Variants in AP1G1 observed in about 807,000 individuals in gnomAD.
AP1G1 encodes AP-1 complex subunit gamma-1.
AP1G1 carries 7 observed loss-of-function variants against 108.3 expected under a neutral mutation model. That is an observed-to-expected ratio of 0.06 (90% confidence interval 0.04 to 0.12). The LOEUF is 0.12. Ranked by LOEUF, AP1G1 falls within the 10% of genes least tolerant of loss-of-function variation. The pLI is 1.00. For missense variants in AP1G1, 756 were observed against 1,010.7 expected, an observed-to-expected ratio of 0.75 and a Z score of 3.42; for synonymous variants, 379 against 353.5, an observed-to-expected ratio of 1.07 and a Z score of -0.81.
chr16:71,801,348 G>A (rs776321184), intron 1 of AP1G1, among the ~76,000 whole-genome samples: 53 of 140,522 alleles, frequency 3.8e-4, no homozygotes, highest in Non-Finnish European at 5.8e-4. Flanking sequence ...AAAAAAAAAA[G>A]CGTGTCATAG....
chr16:71,755,377 C>T (rs2030726804), intron 12 of AP1G1, among the ~76,000 whole-genome samples: 1 of 151,990 alleles, frequency 6.6e-6, no homozygotes, highest in Admixed American at 6.5e-5. Context: ...GTCAAGGTTG[C>T]ACTGAGCCGA....
At chr16:71,785,403 C>T (rs1373052688) in intron 2 of AP1G1, among the ~76,000 whole-genome samples, 2 of 151,662 alleles carry the variant, frequency 1.3e-5, no homozygotes, top group African/African-American at 4.8e-5. Flanking sequence ...TGGTGAAACC[C>T]TGTCTCTACC....
chr16:71,752,133 T>C (rs2030539989), intron 13 of AP1G1, among the ~76,000 whole-genome samples: 1 of 151,752 alleles, frequency 6.6e-6, no homozygotes, highest in Non-Finnish European at 1.5e-5. Flanking sequence ...AGAAAACAAA[T>C]CACATGATCA....
chr16:71,745,080 A>C, intron 19 of AP1G1, 64 bp downstream of exon 19: 1 of 1,577,794 alleles, frequency 6.3e-7, no homozygotes. Flanking sequence ...GTCTGGGTTC[A>C]GTTTAGTTTT....
rs184417010 is a variant in AP1G1 at position 71,791,400 on chromosome 16, T to C, written c.-3-1918A>G. Among the ~76,000 whole-genome samples the C allele has an allele frequency of 4.8e-4, 73 of 152,262 alleles. No individual in the cohort carries two copies. The East Asian group carries it at 0.013, about 28-fold the overall frequency. On this transcript the variant is annotated intron_variant, in intron 1 of 22. Transcript: ENST00000299980. ...TTTGATCAGTTATAGAATATATACC[T>C]GAGAAAATTACTAGTTATTCTAACC... is the stretch of plus-strand genomic sequence containing the variant.
intron 12 of AP1G1, among the ~76,000 whole-genome samples, chr16:71,754,510 C>T (rs1421262105): frequency 1.3e-5 from 2 of 152,186 alleles, no homozygotes; most frequent in Admixed American, 6.5e-5. Context: ...AAAAGGTATA[C>T]AGTCAACTGA....
At chr16:71,769,493 G>A in intron 6 of AP1G1, 130 bp downstream of exon 6, 1 of 857,428 alleles carries the variant, frequency 1.2e-6, no homozygotes, top group Non-Finnish European at 1.9e-6. Context: ...CAATTGCATA[G>A]CAGGGCTAGT....
rs550294870 is a variant in AP1G1, at chr16:71,783,287, T to C, written c.201+5992A>G. 5.3e-5 allele frequency among the ~76,000 whole-genome samples: 8 copies of C among 152,256 alleles called. 1 individual carries two copies. Among genetic ancestry groups the C allele is most frequent in the African/African-American group, 1.7e-4 (7 of 41,560 alleles). On this transcript the variant is annotated intron_variant, in intron 2 of 22. Transcript: ENST00000299980. ...ATCAAAGGAAAAAAAAGAACTGCCA[T>C]TGTTTGCAGACAATAGTAGTATTGA... is the stretch of plus-strand genomic sequence containing the variant.
At chr16:71,766,513 C>T (rs1217993407) in intron 6 of AP1G1, 6 of 442,072 alleles carry the variant, frequency 1.4e-5, no homozygotes, top group Admixed American at 2.6e-5. Context: ...ATGTTTCCAA[C>T]TAAAAACTCA....
At chr16:71,795,824 G>A (rs1490479603) in intron 1 of AP1G1, among the ~76,000 whole-genome samples, 1 of 152,194 alleles carries the variant, frequency 6.6e-6, no homozygotes, top group Admixed American at 6.6e-5. Flanking sequence ...GAGGGGAGTA[G>A]AGGGGTGCAT....
intron 1 of AP1G1, chr16:71,806,696 A>G (rs2033008959): frequency 7.8e-7 from 1 of 1,288,292 alleles, no homozygotes; most frequent in South Asian, 1.2e-5. Context: ...TAAATGAGTG[A>G]GCATTACATA....
In AP1G1 at chr16:71,750,253, G is replaced by A. The variant is rs758771701; in HGVS notation, c.1364C>T (p.Thr455Ile). Residue 455 changes from threonine to isoleucine, a missense_variant, in exon 14 of 23, where the codon ACT becomes ATT. By Grantham distance (89) the Thr-to-Ile change is moderately conservative (BLOSUM62 -1). Around this residue, in one of 3 missense-constraint regions of AP1G1, gnomAD observed 357 missense variants for 366.5 expected, o/e 0.97. Coordinates refer to ENST00000299980, the MANE Select transcript of AP1G1 (RefSeq NM_001128.6). ...ITNSVEMHAY[T>I]VQRLYKAILG... ...AATTGCTTTGTACAGGCGCTGGACA[G>A]TATAGGCATGCATCTCCACACTATT... 1 of 1,614,064 alleles carries A rather than the reference G, an allele frequency of 6.2e-7. No individual in the cohort carries two copies. Among genetic ancestry groups the A allele is most frequent in the East Asian group, 2.2e-5 (1 of 44,876 alleles).
At chr16:71,738,025 C>G (rs1325128425) in intron 21 of AP1G1, among the ~76,000 whole-genome samples, 1 of 152,202 alleles carries the variant, frequency 6.6e-6, no homozygotes, top group Non-Finnish European at 1.5e-5. Context: ...ACTCCTCATT[C>G]TCAACTTTTC....
Position 71,777,610 on chromosome 16 carries a change from G to A in AP1G1, c.202-3018C>T, listed in dbSNP as rs1038574306. 1.2e-5 allele frequency: 5 copies of A among 419,112 alleles called. 1 individual carries two copies. Among genetic ancestry groups the A allele is most frequent in the South Asian group, 7.2e-5 (4 of 55,258 alleles). The allele number at this position is 419,112 out of a possible 1,614,324, so 26.0% of individuals were successfully genotyped here. A position where few individuals can be genotyped will look rare whatever the true frequency, so the allele number is the denominator to read the frequency against. On this transcript the variant is annotated intron_variant, in intron 2 of 22. Coordinates refer to ENST00000299980, the MANE Select transcript of AP1G1 (RefSeq NM_001128.6). ...CAGCCTGTTGGCAGGCGGTCATGCC[G>A]ATGCCCCATTCTGTCTTCTACTGCT...
chr16:71,796,661 G>A (rs1299226972), intron 1 of AP1G1, among the ~76,000 whole-genome samples: 1 of 152,110 alleles, frequency 6.6e-6, no homozygotes, highest in Non-Finnish European at 1.5e-5. Context: ...TGGAATGTAG[G>A]ATCACATTGA....
At chr16:71,753,717 A>G (rs1331871098) in intron 13 of AP1G1, 116 bp downstream of exon 13, 4 of 881,762 alleles carry the variant, frequency 4.5e-6, no homozygotes, top group Non-Finnish European at 5.5e-6. Context: ...CCTAACTGAC[A>G]TTAATGTTAC....
At chr16:71,803,114 C>T (rs2032867042) in intron 1 of AP1G1, among the ~76,000 whole-genome samples, 1 of 151,590 alleles carries the variant, frequency 6.6e-6, no homozygotes, top group Non-Finnish European at 1.5e-5. Context: ...ACTCGGGAGG[C>T]TGAGCACAAG....
intron 1 of AP1G1, among the ~76,000 whole-genome samples, chr16:71,793,181 GCAAA>G (rs1392379388): frequency 2.0e-5 from 3 of 152,034 alleles, no homozygotes; most frequent in Non-Finnish European, 2.9e-5. Flanking sequence ...AACAGAAAAA[GCAAA>G]CAAACAAAAC....
At chr16:71,794,121 A>T (rs1025625788) in intron 1 of AP1G1, among the ~76,000 whole-genome samples, 2 of 152,218 alleles carry the variant, frequency 1.3e-5, no homozygotes, top group Non-Finnish European at 2.9e-5. Context: ...ATACAAAATT[A>T]TATCTGTATT....
Sources: allele counts gnomAD v4.1 joint callset (sites outside exome capture counted in the v4.1 genomes callset), GRCh38; gene constraint gnomAD v4.1.1; regional missense constraint gnomAD v4.1.1; transcripts MANE v1.5; gene names NCBI Gene and HGNC (gene_info 2026-07-23, HGNC 2026-07-21).